MCM2: variants seen among roughly 807,000 people sequenced by gnomAD.
MCM2 encodes DNA replication licensing factor MCM2.
In MCM2, 49 loss-of-function variants were observed where a neutral mutation model predicts 86.4. That is an observed-to-expected ratio of 0.57 (90% CI 0.45 to 0.72). The LOEUF (loss-of-function observed/expected upper bound fraction) is 0.72, where lower values mean the gene tolerates loss of function less well. MCM2 is among the 30% of genes least tolerant of loss of function. The pLI is 0.00. For missense variants in MCM2, 1,038 were observed against 1,259.9 expected (o/e 0.82, Z 2.67); for synonymous variants, 475 against 484.6 (o/e 0.98, Z 0.26).
chr3:127,608,719 A>C, intron 7 of MCM2, 113 bp from the exon 8 acceptor site: 3 of 1,230,276 alleles, frequency 2.4e-6, no homozygotes, highest in Non-Finnish European at 2.3e-6. Flanking sequence ...TGAGTTACTT[A>C]TCTTGGTGTC....
chr3:127,600,083 C>T (rs1447777507), intron 2 of MCM2, among the ~76,000 whole-genome samples: 2 of 152,150 alleles, frequency 1.3e-5, no homozygotes, highest in Admixed American at 6.5e-5. Flanking sequence ...AGTTTGAAAC[C>T]AGCCTGGTCA....
chr3:127,606,451 TCATC>T lies in MCM2; in HGVS notation c.893+115_893+118del. Reference sequence around the variant, plus strand: ...GGGGAGGGTGCAGCCAGCAGCATCCTCATCGCAGGTGAGTTGTGGTTGCACAGGA... The same window carrying T: ...GGGGAGGGTGCAGCCAGCAGCATCCTGCAGGTGAGTTGTGGTTGCACAGGA... On this transcript the variant is annotated intron_variant, in intron 5 of 15. Transcript: ENST00000265056. This position sits in a 1 kb window ranked among gnomAD's most constrained non-coding sequence, Gnocchi z 4.2. 1 of 1,209,398 alleles carries T rather than the reference TCATC, an allele frequency of 8.3e-7. No individual in the cohort carries two copies. Among genetic ancestry groups the T allele is most frequent in the South Asian group, 1.4e-5 (1 of 73,510 alleles). The allele number at this position is 1,209,398 out of a possible 1,614,324, so 74.9% of individuals were successfully genotyped here.
intron 4 of MCM2, among the ~76,000 whole-genome samples, chr3:127,605,608 T>A (rs1445618218): frequency 7.0e-6 from 1 of 142,342 alleles, no homozygotes; most frequent in Non-Finnish European, 1.5e-5. Context: ...GCCTGACTAA[T>A]TTTTTTTTTT....
chr3:127,606,814 G>A lies in MCM2; in HGVS notation c.1098G>A (p.Glu366=). ...QSAGPFEVNM[E]ETIYQNYQRI... ...CCGGCCCCTTTGAGGTCAACATGGAGGAGGTGAGAGAGGACACAAGGTCTG... is the reference window on the plus strand; with the variant it reads ...CCGGCCCCTTTGAGGTCAACATGGAAGAGGTGAGAGAGGACACAAGGTCTG... Residue 366 remains glutamate (E), a synonymous_variant, in exon 6 of 16, where the codon GAG becomes GAA. Coordinates refer to ENST00000265056, the MANE Select transcript of MCM2 (RefSeq NM_004526.4). The surrounding 1 kb of genome is among the most constrained non-coding windows in gnomAD (Gnocchi z 4.2). 1.2e-6 allele frequency: 2 copies of A among 1,614,216 alleles called. No individual in the cohort carries two copies. Among genetic ancestry groups the A allele is most frequent in the Non-Finnish European group, 1.7e-6 (2 of 1,180,028 alleles).
intron 13 of MCM2, among the ~76,000 whole-genome samples, chr3:127,620,217 G>A (rs2074466020): frequency 6.6e-6 from 1 of 152,204 alleles, no homozygotes; most frequent in African/African-American, 2.4e-5. Context: ...CCATGGGAAT[G>A]CCGAGTCCTT....
At chr3:127,613,452 G>A (rs2074413490) in intron 8 of MCM2, among the ~76,000 whole-genome samples, 1 of 152,194 alleles carries the variant, frequency 6.6e-6, no homozygotes, top group South Asian at 2.1e-4. Context: ...TTTCTAGATA[G>A]CAATGTTCCT....
rs1265090190 is a variant in MCM2, at chr3:127,618,974, C to G, written c.2014-53C>G. On this transcript the variant is annotated intron_variant, in intron 12 of 15. Transcript: ENST00000265056. The surrounding 1 kb of genome is among the most constrained non-coding windows in gnomAD (Gnocchi z 4.0). ...CAGCCCTTCTCCAGCCACTGACCTC[C>G]CCAAAGCCACGCACACCCACAATCA... 2 of 1,510,322 alleles carry G rather than the reference C, an allele frequency of 1.3e-6. No individual in the cohort carries two copies. Among genetic ancestry groups the G allele is most frequent in the African/African-American group, 2.8e-5 (2 of 72,704 alleles). The allele number at this position is 1,510,322 out of a possible 1,614,324, so 93.6% of individuals were successfully genotyped here.
chr3:127,616,353 C>G (rs1398344656), intron 9 of MCM2, among the ~76,000 whole-genome samples: 1 of 152,198 alleles, frequency 6.6e-6, no homozygotes, highest in Non-Finnish European at 1.5e-5. Flanking sequence ...ACCCCCACTT[C>G]TCTTCCTAGT....
intron 2 of MCM2, among the ~76,000 whole-genome samples, chr3:127,603,988 C>G (rs1214468905): frequency 6.6e-6 from 1 of 152,078 alleles, no homozygotes; most frequent in Non-Finnish European, 1.5e-5. Context: ...GATGGGGTCT[C>G]ACTATGTTAA....
rs1381269740 is a variant in MCM2, at chr3:127,604,601, C to G, written c.237-7C>G. On this transcript the variant is annotated splice_polypyrimidine_tract_variant and splice_region_variant and intron_variant, in intron 2 of 15. Transcript: ENST00000265056. ...CAGTAACCACATCTGTTTTGGTGCT[C>G]CCTCAGGGACTACCGCGCCATCCCA... 6.2e-7 allele frequency: 1 copy of G among 1,611,214 alleles called. No individual in the cohort carries two copies. Among genetic ancestry groups the G allele is most frequent in the Non-Finnish European group, 8.5e-7 (1 of 1,178,754 alleles).
At position 127,606,908 on chromosome 3, in the gene MCM2, T is replaced by A; in HGVS notation, c.1101+91T>A. 7.7e-7 allele frequency: 1 copy of A among 1,290,560 alleles called. No homozygotes were observed. The highest frequency in any genetic ancestry group is 1.1e-6 in the Non-Finnish European group (1 of 897,720). The allele number at this position is 1,290,560 out of a possible 1,614,324, so 79.9% of individuals were successfully genotyped here. A position where few individuals can be genotyped will look rare whatever the true frequency, so the allele number is the denominator to read the frequency against. ...GGCCTCTCAGGCTGTGGAAGACCAGTGTGGGCAGCCGCAAGAAGCAAGATA... is the reference window on the plus strand; with the variant it reads ...GGCCTCTCAGGCTGTGGAAGACCAGAGTGGGCAGCCGCAAGAAGCAAGATA... On this transcript the variant is annotated intron_variant, in intron 6 of 15. Coordinates refer to ENST00000265056, the MANE Select transcript of MCM2 (RefSeq NM_004526.4). This position sits in a 1 kb window ranked among gnomAD's most constrained non-coding sequence, Gnocchi z 4.2.
At chr3:127,603,710 G>A (rs997720236) in intron 2 of MCM2, among the ~76,000 whole-genome samples, 5 of 151,902 alleles carry the variant, frequency 3.3e-5, no homozygotes, top group Non-Finnish European at 7.4e-5. Context: ...CGACCAGGCT[G>A]GAGTGCAGTG....
rs982277994 is a variant in MCM2 at position 127,602,247 on chromosome 3, C to T, written c.237-2361C>T. On this transcript the variant is annotated intron_variant, in intron 2 of 15. Transcript: ENST00000265056. ...GACTTGAGATCCAGGGAGAATGGGACCGATACCTTTTCCCCGAAAACATGG... is the reference window on the plus strand; with the variant it reads ...GACTTGAGATCCAGGGAGAATGGGATCGATACCTTTTCCCCGAAAACATGG... 1.4e-4 allele frequency among the ~76,000 whole-genome samples: 21 copies of T among 148,654 alleles called. No individual in the cohort carries two copies. In the Admixed American group the frequency reaches 1.4e-3, roughly 10 times the overall value.
At chr3:127,615,749 G>A in intron 8 of MCM2, 113 bp from the exon 9 acceptor site, 2 of 746,106 alleles carry the variant, frequency 2.7e-6, no homozygotes, top group Non-Finnish European at 4.8e-6. Flanking sequence ...AGCAGCTGTG[G>A]AAGTGGGTGT....
Position 127,620,893 on chromosome 3 carries a change from C to T in MCM2, c.2448+13C>T, listed in dbSNP as rs369690515. ...CAGCATGCGCAAGGTGGGTGTGCTC[C>T]GAGGTAGGGGCCTGATGGGCAAGCT... On this transcript the variant is annotated intron_variant, in intron 14 of 15. Coordinates refer to ENST00000265056, the MANE Select transcript of MCM2 (RefSeq NM_004526.4). 3.0e-4 allele frequency: 485 copies of T among 1,592,468 alleles called. 3 individuals carry two copies. Among genetic ancestry groups the T allele is most frequent in the South Asian group, 8.7e-4 (77 of 88,322 alleles).
chr3:127,617,868 TCC>T lies in MCM2; in HGVS notation c.1901-100_1901-99del. ...TAAGTACCCACCTATGTCTTCCTCT[TCC>T]ACTGCCCTCATCCCCTTCTGCCATC... is the stretch of plus-strand genomic sequence containing the variant. On this transcript the variant is annotated intron_variant, in intron 11 of 15. Transcript: ENST00000265056. The surrounding 1 kb of genome is among the most constrained non-coding windows in gnomAD (Gnocchi z 4.1). 1 of 843,988 alleles carries T rather than the reference TCC, an allele frequency of 1.2e-6. No homozygotes were observed. Among genetic ancestry groups the T allele is most frequent in the Non-Finnish European group, 1.9e-6 (1 of 515,786 alleles). 52.3% of individuals were successfully genotyped at this position (843,988 alleles called of 1,614,324 possible). A position where few individuals can be genotyped will look rare whatever the true frequency, so the allele number is the denominator to read the frequency against.
intron 9 of MCM2, 40 bp from the exon 10 acceptor site, chr3:127,616,828 C>T: frequency 3.1e-6 from 5 of 1,595,918 alleles, no homozygotes; most frequent in Non-Finnish European, 4.3e-6. Context: ...CCTCTCACTT[C>T]CCACTCTCCC....
In MCM2 at chr3:127,617,821, T is replaced by C; in HGVS notation, c.1901-148T>C. 1 of 649,994 alleles carries C rather than the reference T, an allele frequency of 1.5e-6. No homozygotes were observed. The highest frequency in any genetic ancestry group is 1.8e-5 in the South Asian group (1 of 56,584). The allele number at this position is 649,994 out of a possible 1,614,324, so 40.3% of individuals were successfully genotyped here. ...TGGGCCCTGGTTAGGGTAAGCTCTTTGCTGTCTCAGACAGCAGGTGCTAAG... is the reference window on the plus strand; with the variant it reads ...TGGGCCCTGGTTAGGGTAAGCTCTTCGCTGTCTCAGACAGCAGGTGCTAAG... On this transcript the variant is annotated intron_variant, in intron 11 of 15. Coordinates refer to ENST00000265056, the MANE Select transcript of MCM2 (RefSeq NM_004526.4). The surrounding 1 kb of genome is among the most constrained non-coding windows in gnomAD (Gnocchi z 4.1).
At position 127,606,206 on chromosome 3, in the gene MCM2, G is replaced by C. The variant is rs756282063; in HGVS notation, c.762G>C (p.Glu254Asp). Reference protein sequence around the residue: ...LAYFLPEAPAELLQIFDEAAL... With the variant: ...LAYFLPEAPADLLQIFDEAAL... ...ACTTCCTGCCTGAGGCACCGGCGGAGCTGCTGCAGATCTTTGATGAGGCTG... is the reference window on the plus strand; with the variant it reads ...ACTTCCTGCCTGAGGCACCGGCGGACCTGCTGCAGATCTTTGATGAGGCTG... The change falls in exon 5 of 16, where the codon GAG (glutamate) becomes GAC (aspartate). Residue 254 changes from glutamate (E) to aspartate (D), a missense_variant. Physicochemically the swap from Glu to Asp is conservative, Grantham distance 45 (BLOSUM62 2). Transcript: ENST00000265056. The surrounding 1 kb of genome is among the most constrained non-coding windows in gnomAD (Gnocchi z 4.2). The C allele has an allele frequency of 6.2e-7, 1 of 1,614,116 alleles. No homozygotes were observed. Among genetic ancestry groups the C allele is most frequent in the Admixed American group, 1.7e-5 (1 of 60,000 alleles).
Sources: gnomAD v4.1 joint callset for allele counts (sites outside exome capture counted in the v4.1 genomes callset) on GRCh38, gnomAD v4.1.1 for gene constraint, Gnocchi (gnomAD v3.1) non-coding constraint, MANE v1.5 for transcripts, NCBI Gene and HGNC (gene_info 2026-07-23, HGNC 2026-07-21) for gene names.